The following ONECUT1 variants were observed in gnomAD, a reference collection of about 807,000 sequenced individuals.
ONECUT1 encodes one cut homeobox 1, also known as hepatocyte nuclear factor 6.
In ONECUT1, 12 loss-of-function variants were observed where a neutral mutation model predicts 25.6. The observed-to-expected ratio is 0.47, with a 90% CI of 0.30 to 0.76. The LOEUF is 0.76. Ranked by LOEUF, ONECUT1 falls within the 30% of genes least tolerant of loss-of-function variation. The pLI is 0.07. For synonymous variants in ONECUT1, 285 were observed against 270.2 expected, an observed-to-expected ratio of 1.05 and a Z score of -0.54; for missense variants, 620 against 651.2, an observed-to-expected ratio of 0.95 and a Z score of 0.52.
Position 52,789,839 on chromosome 15 carries a change from C to T in ONECUT1, c.46G>A (p.Val16Met). ...TMEAIGELHG[V>M]SHEPVPAPAD... The stretch of plus-strand genomic sequence containing the variant: ...GGGGCGGGCACCGGCTCATGGCTCA[C>T]CCCGTGCAGCTCGCCGATCGCTTCC... The change falls in exon 1 of 2, where the codon GTG becomes ATG. Residue 16 changes from valine (V) to methionine (M), a missense_variant. Val to Met is a conservative substitution (Grantham distance 21). Coordinates refer to ENST00000305901, the MANE Select transcript of ONECUT1 (RefSeq NM_004498.4). This position sits in a 1 kb window ranked among gnomAD's most constrained non-coding sequence, Gnocchi z 4.1. 5 of 1,542,726 alleles carry T rather than the reference C, an allele frequency of 3.2e-6. No homozygotes were observed. Among genetic ancestry groups the T allele is most frequent in the Non-Finnish European group, 4.3e-6 (5 of 1,155,608 alleles).
intron 1 of ONECUT1, among the ~76,000 whole-genome samples, chr15:52,772,569 C>T (rs2083775036): frequency 6.6e-6 from 1 of 152,140 alleles, no homozygotes; most frequent in South Asian, 2.1e-4. Context: ...TTCATCTTGA[C>T]TTGTCTGAAT....
chr15:52,766,688 T>C (rs928453096), intron 1 of ONECUT1, among the ~76,000 whole-genome samples: 1 of 152,222 alleles, frequency 6.6e-6, no homozygotes, highest in South Asian at 2.1e-4. Context: ...TGTCTCCTTG[T>C]GTGTATCAGC....
At chr15:52,774,303 ATTTATTTATTTT>A (rs930169854) in intron 1 of ONECUT1, among the ~76,000 whole-genome samples, 1 of 151,904 alleles carries the variant, frequency 6.6e-6, no homozygotes, top group African/African-American at 2.4e-5. Flanking sequence ...TTATTTATTT[ATTTATTTATTTT>A]TTGAGACAGA....
In ONECUT1 at chr15:52,769,315, G is replaced by T. The variant is rs191536051; in HGVS notation, c.1106-11468C>A. Among the ~76,000 whole-genome samples the T allele has an allele frequency of 6.6e-5, 10 of 152,318 alleles. No individual in the cohort carries two copies. The East Asian group carries it at 1.9e-3, about 29-fold the overall frequency. ...TTTCCTTGGCATACTCAGCACCCTT[G>T]TTGGGAAAGCAAGTTGGATGTGGCT... On this transcript the variant is annotated intron_variant, in intron 1 of 1. Transcript: ENST00000305901.
At chr15:52,761,283 T>C (rs980923067) in intron 1 of ONECUT1, among the ~76,000 whole-genome samples, 2 of 152,182 alleles carry the variant, frequency 1.3e-5, no homozygotes, top group African/African-American at 4.8e-5. Flanking sequence ...AGGGGGATTA[T>C]TTGCCATAAC....
At position 52,784,627 on chromosome 15, in the gene ONECUT1, A is replaced by G. The variant is rs1596057034; in HGVS notation, c.1105+4153T>C. Among the ~76,000 whole-genome samples, 1 of 152,172 alleles carries G rather than the reference A, an allele frequency of 6.6e-6. No individual in the cohort carries two copies. Among genetic ancestry groups the G allele is most frequent in the Non-Finnish European group, 1.5e-5 (1 of 68,026 alleles). On this transcript the variant is annotated intron_variant, in intron 1 of 1. Coordinates refer to ENST00000305901, the MANE Select transcript of ONECUT1 (RefSeq NM_004498.4). This position sits in a 1 kb window ranked among gnomAD's most constrained non-coding sequence, Gnocchi z 5.0. ...TTATGCCCGTTACACAGAGAGAACT[A>G]CACAGGGGGAACTATGGTCCTACAC...
Position 52,789,918 on chromosome 15 carries a change from T to A in ONECUT1, c.-34A>T, listed in dbSNP as rs775661480. 6.7e-7 allele frequency: 1 copy of A among 1,497,208 alleles called. No homozygotes were observed. The highest frequency in any genetic ancestry group is 8.8e-7 in the Non-Finnish European group (1 of 1,135,584). The allele number at this position is 1,497,208 out of a possible 1,614,324, so 92.7% of individuals were successfully genotyped here. ...GGGCGAGCAGGCGGCGGACACAACA[T>A]CGATGTGGCCAGGCAGAGGCGGCGA... On this transcript the variant is annotated 5_prime_UTR_variant, in exon 1 of 2. The change abolishes an upstream ATG in the 5' untranslated region. Coordinates refer to ENST00000305901, the MANE Select transcript of ONECUT1 (RefSeq NM_004498.4). This position sits in a 1 kb window ranked among gnomAD's most constrained non-coding sequence, Gnocchi z 4.1.
At chr15:52,767,522 G>GT (rs1254179370) in intron 1 of ONECUT1, among the ~76,000 whole-genome samples, 1 of 152,154 alleles carries the variant, frequency 6.6e-6, no homozygotes. Flanking sequence ...AGCCTCATCA[G>GT]TTTTTATACT....
chr15:52,755,629 G>A lies in ONECUT1; in HGVS notation c.*1926C>T, dbSNP rs1405471226. Among the ~76,000 whole-genome samples, 1 of 152,220 alleles carries A rather than the reference G, an allele frequency of 6.6e-6. No homozygotes were observed. Among genetic ancestry groups the A allele is most frequent in the Non-Finnish European group, 1.5e-5 (1 of 68,044 alleles). On this transcript the variant is annotated 3_prime_UTR_variant, in exon 2 of 2. Coordinates refer to ENST00000305901, the MANE Select transcript of ONECUT1 (RefSeq NM_004498.4). ...ACAAGGTGCTGAGATTTGATGCTAA[G>A]GAGTTATGTTTTGTGTCAAGATGGT...
chr15:52,790,066 CGTGTGTGT>C lies in ONECUT1; in HGVS notation c.-190_-183del, dbSNP rs72061188. The C allele has an allele frequency of 3.0e-5, 21 of 697,612 alleles. No individual in the cohort carries two copies. Among genetic ancestry groups the C allele is most frequent in the African/African-American group, 1.6e-4 (8 of 49,722 alleles). 43.2% of individuals were successfully genotyped at this position (697,612 alleles called of 1,614,324 possible). ...GTGTGTGTGTCCGTGTGTGCGTGTG[CGTGTGTGT>C]GTGTGTGTGTGTCTCGCCTTCCCTC... On this transcript the variant is annotated 5_prime_UTR_variant, in exon 1 of 2. Transcript: ENST00000305901.
intron 1 of ONECUT1, among the ~76,000 whole-genome samples, chr15:52,770,848 CTG>C (rs1262662478): frequency 6.6e-6 from 1 of 152,086 alleles, no homozygotes; most frequent in Non-Finnish European, 1.5e-5. Context: ...GATATGAACT[CTG>C]TGTCAGTTTA....
chr15:52,774,122 TACACACAC>T (rs35891922), intron 1 of ONECUT1, among the ~76,000 whole-genome samples: 53 of 137,772 alleles, frequency 3.8e-4, no homozygotes, highest in East Asian at 2.2e-3. Flanking sequence ...ATTGGAAGGA[TACACACAC>T]ACACACACAC....
At chr15:52,757,918 A>C in intron 1 of ONECUT1, 71 bp from the exon 2 acceptor site, 14 of 1,515,258 alleles carry the variant, frequency 9.2e-6, no homozygotes, top group Non-Finnish European at 1.2e-5. Context: ...GACAGAGCTC[A>C]TAAAATTTGT....
At chr15:52,774,447 A>G (rs1442485073) in intron 1 of ONECUT1, among the ~76,000 whole-genome samples, 1 of 152,030 alleles carries the variant, frequency 6.6e-6, no homozygotes, top group African/African-American at 2.4e-5. Flanking sequence ...ACTACAGGCA[A>G]GCGCCACCAT....
chr15:52,783,425 A>T (rs1356912592), intron 1 of ONECUT1, among the ~76,000 whole-genome samples: 1 of 152,222 alleles, frequency 6.6e-6, no homozygotes, highest in Non-Finnish European at 1.5e-5. Context: ...TTGTTTTCTT[A>T]CTATGACTTC....
At chr15:52,762,642 T>C (rs898844232) in intron 1 of ONECUT1, among the ~76,000 whole-genome samples, 2 of 152,110 alleles carry the variant, frequency 1.3e-5, no homozygotes, top group African/African-American at 4.8e-5. Flanking sequence ...GGCAGATCAG[T>C]ATCCACGTGG....
Position 52,790,103 on chromosome 15 carries a change from C to T in ONECUT1, c.-219G>A, listed in dbSNP as rs914950395. The T allele has an allele frequency of 2.8e-5, 16 of 565,650 alleles. No individual in the cohort carries two copies. Among genetic ancestry groups the T allele is most frequent in the African/African-American group, 2.5e-4 (13 of 51,126 alleles). 35.0% of individuals were successfully genotyped at this position (565,650 alleles called of 1,614,324 possible). On this transcript the variant is annotated 5_prime_UTR_variant, in exon 1 of 2. Coordinates refer to ENST00000305901, the MANE Select transcript of ONECUT1 (RefSeq NM_004498.4). ...TGTGTGTGTCTCGCCTTCCCTCTTA[C>T]CCCCCACCTTCCCCTCTGCGTCCTC...
intron 1 of ONECUT1, among the ~76,000 whole-genome samples, chr15:52,775,750 G>C (rs2083795838): frequency 6.6e-6 from 1 of 152,172 alleles, no homozygotes; most frequent in South Asian, 2.1e-4. Context: ...TAGATCGGAG[G>C]AAAGTAAAAT....
chr15:52,768,013 A>G (rs1051861330), intron 1 of ONECUT1, among the ~76,000 whole-genome samples: 2 of 152,150 alleles, frequency 1.3e-5, no homozygotes, highest in Non-Finnish European at 2.9e-5. Flanking sequence ...TGGAGAGTCG[A>G]ATGATGGTTA....
Sources: gnomAD v4.1 joint callset for allele counts (sites outside exome capture counted in the v4.1 genomes callset) on GRCh38, gnomAD v4.1.1 for gene constraint, Gnocchi (gnomAD v3.1) non-coding constraint, MANE v1.5 for transcripts, NCBI Gene and HGNC (gene_info 2026-07-23, HGNC 2026-07-21) for gene names.